The following NPAS3 variants were observed in gnomAD, a reference collection of about 807,000 sequenced individuals.
NPAS3 encodes the protein neuronal PAS domain-containing protein 3.
NPAS3 carries 14 observed loss-of-function variants against 73.1 expected under a neutral mutation model. The ratio of observed to expected loss-of-function variants is 0.19; its 90% CI spans 0.13 to 0.30. The LOEUF (loss-of-function observed/expected upper bound fraction) is 0.30. Ranked by LOEUF, NPAS3 falls within the 10% of genes least tolerant of loss-of-function variation. The probability of loss-of-function intolerance (pLI) is 1.00; values close to 1 mark genes in which losing one functional copy is unlikely to be tolerated. For missense variants in NPAS3, 1,096 were observed against 1,250.0 expected, an observed-to-expected ratio of 0.88 and a Z score of 1.86; for synonymous variants, 620 against 541.5, an observed-to-expected ratio of 1.14 and a Z score of -2.01.
chr14:33,402,163 TTTATTTCTGCTTTCCTGACACCTGAGG>T (rs1419157744), intron 4 of NPAS3, among the ~76,000 whole-genome samples: 1 of 152,020 alleles, frequency 6.6e-6, no homozygotes, highest in Non-Finnish European at 1.5e-5. Flanking sequence ...GACAACTGAG[TTTATTTCTGCTTTCCTGACACCTGAGG>T]TACCTTTCAA....
chr14:33,106,199 G>A (rs1397429851), intron 2 of NPAS3, among the ~76,000 whole-genome samples: 4 of 152,060 alleles, frequency 2.6e-5, no homozygotes, highest in Admixed American at 2.0e-4. Flanking sequence ...CAAAATCTTG[G>A]AAATTATTTT....
intron 2 of NPAS3, among the ~76,000 whole-genome samples, chr14:33,186,032 C>G (rs2045962060): frequency 6.6e-6 from 1 of 152,152 alleles, no homozygotes; most frequent in Admixed American, 6.5e-5. Context: ...AAGGTAGTTG[C>G]AATCAGAATA....
intron 4 of NPAS3, among the ~76,000 whole-genome samples, chr14:33,463,300 G>A (rs1566925605): frequency 2.0e-5 from 3 of 152,114 alleles, no homozygotes; most frequent in Non-Finnish European, 2.9e-5. Context: ...ACTTCTTTGG[G>A]AAAAGAGATT....
chr14:33,394,884 G>A (rs2138657427), intron 4 of NPAS3, among the ~76,000 whole-genome samples: 1 of 152,168 alleles, frequency 6.6e-6, no homozygotes, highest in East Asian at 1.9e-4. Context: ...AAGCCCCACT[G>A]GTATTTAAAA....
chr14:33,124,403 T>A (rs779426315), intron 2 of NPAS3, among the ~76,000 whole-genome samples: 2 of 152,136 alleles, frequency 1.3e-5, no homozygotes, highest in African/African-American at 2.4e-5. Flanking sequence ...CTGTCTTTAG[T>A]TAGCAAGTTA....
intron 5 of NPAS3, among the ~76,000 whole-genome samples, chr14:33,650,641 C>T (rs1053682043): frequency 6.6e-6 from 1 of 152,216 alleles, no homozygotes; most frequent in Non-Finnish European, 1.5e-5. Flanking sequence ...AAGGACCCTG[C>T]ACTTAGGCTG....
At chr14:33,607,407 C>CAAA (rs35133518) in intron 5 of NPAS3, among the ~76,000 whole-genome samples, 1 of 125,222 alleles carries the variant, frequency 8.0e-6, no homozygotes. Context: ...TAAGCCAAAC[C>CAAA]AAAAAAAAAA....
intron 2 of NPAS3, among the ~76,000 whole-genome samples, chr14:33,198,055 G>A (rs2046444237): frequency 1.0e-5 from 1 of 95,350 alleles, no homozygotes; most frequent in African/African-American, 3.2e-5. Flanking sequence ...AGTGCGTCTA[G>A]AGTTGTTTGT....
At position 32,977,251 on chromosome 14, in the gene NPAS3, G is replaced by A. The variant is rs1156662916; in HGVS notation, c.50+37885G>A. 2.0e-5 allele frequency among the ~76,000 whole-genome samples: 3 copies of A among 151,306 alleles called. No individual in the cohort carries two copies. The East Asian group carries it at 5.8e-4, about 29-fold the overall frequency. ...CTCATATTTTTTATTATTTAAAATAGTCTATAGGATCCAAAGATGCCATGT... is the reference window on the plus strand; with the variant it reads ...CTCATATTTTTTATTATTTAAAATAATCTATAGGATCCAAAGATGCCATGT... On this transcript the variant is annotated intron_variant, in intron 1 of 11. Coordinates refer to ENST00000356141, the Ensembl canonical transcript of NPAS3.
chr14:33,621,831 G>C (rs1223159154), intron 5 of NPAS3, among the ~76,000 whole-genome samples: 1 of 152,158 alleles, frequency 6.6e-6, no homozygotes, highest in Non-Finnish European at 1.5e-5. Context: ...AAGCAGTCAA[G>C]TTTTAGAAAT....
chr14:33,559,452 G>A (rs1287753604), intron 4 of NPAS3, among the ~76,000 whole-genome samples: 2 of 151,902 alleles, frequency 1.3e-5, no homozygotes, highest in African/African-American at 2.4e-5. Context: ...ATTTCATTAC[G>A]ATCTTTATTC....
At chr14:33,797,667 A>C (rs2063552483) in intron 11 of NPAS3, 86 bp downstream of exon 11, 1 of 1,362,830 alleles carries the variant, frequency 7.3e-7, no homozygotes, top group Admixed American at 1.9e-5. Context: ...CCATCATCAG[A>C]GGCAAAGCAA....
chr14:33,500,364 T>C (rs1384703930), intron 4 of NPAS3, among the ~76,000 whole-genome samples: 1 of 151,916 alleles, frequency 6.6e-6, no homozygotes, highest in Non-Finnish European at 1.5e-5. Context: ...AGTAGGTTTA[T>C]ATGCTCCGAG....
intron 5 of NPAS3, among the ~76,000 whole-genome samples, chr14:33,673,086 G>A (rs2059657718): frequency 6.6e-6 from 1 of 152,216 alleles, no homozygotes; most frequent in Admixed American, 6.5e-5. Flanking sequence ...AGAGTTCAAT[G>A]GCAAAGCATC....
intron 1 of NPAS3, among the ~76,000 whole-genome samples, chr14:32,962,090 A>T (rs1293388252): frequency 6.6e-6 from 1 of 152,172 alleles, no homozygotes; most frequent in African/African-American, 2.4e-5. Flanking sequence ...ATTTTGGTAC[A>T]ATGTTGTGTT....
At chr14:33,486,080 T>C (rs577685036) in intron 4 of NPAS3, among the ~76,000 whole-genome samples, 3 of 152,252 alleles carry the variant, frequency 2.0e-5, no homozygotes, top group African/African-American at 7.2e-5. Context: ...GGCCTCACTG[T>C]ATGGTTGTCC....
chr14:33,168,897 G>C (rs943541316), intron 2 of NPAS3, among the ~76,000 whole-genome samples: 1 of 152,124 alleles, frequency 6.6e-6, no homozygotes, highest in East Asian at 1.9e-4. Context: ...GTAAATTCTT[G>C]GCTTTTCCAC....
chr14:33,523,607 A>T (rs1415873262), intron 4 of NPAS3, among the ~76,000 whole-genome samples: 1 of 151,950 alleles, frequency 6.6e-6, no homozygotes, highest in Non-Finnish European at 1.5e-5. Flanking sequence ...CACTAAAAAT[A>T]CAAAAAGATA....
At chr14:33,198,116 A>C (rs2139564045) in intron 2 of NPAS3, among the ~76,000 whole-genome samples, 1 of 152,288 alleles carries the variant, frequency 6.6e-6, no homozygotes, top group Middle Eastern at 3.4e-3. Context: ...TCGTGATCTC[A>C]CTGGCCTCAG....
Sources: allele counts gnomAD v4.1 joint callset (sites outside exome capture counted in the v4.1 genomes callset), GRCh38; gene constraint gnomAD v4.1.1; transcripts MANE v1.5; gene names NCBI Gene and HGNC (gene_info 2026-07-23, HGNC 2026-07-21).